Variants in NBPF9 observed in about 807,000 individuals in gnomAD.
NBPF9 encodes NBPF family member NBPF9.
In NBPF9, 91 loss-of-function variants were observed where a neutral mutation model predicts 97.8. That is an observed-to-expected ratio of 0.93 (90% CI 0.79 to 1.11). The LOEUF is 1.11. Ranked by LOEUF, NBPF9 falls within the 50% of genes least tolerant of loss-of-function variation. The pLI is 0.00. For missense variants in NBPF9, 992 were observed against 939.5 expected (o/e 1.06, Z -0.73); for synonymous variants, 334 against 359.5 (o/e 0.93, Z 0.80).
intron 2 of NBPF9, 66 bp from the exon 3 acceptor site, chr1:149,101,445 C>A (rs1243726976): frequency 6.6e-6 from 1 of 150,430 alleles, no homozygotes; most frequent in Non-Finnish European, 1.5e-5. Flanking sequence ...ATTAAAAGAG[C>A]GAAAAGGCAA....
chr1:149,065,980 C>T (rs2079018148), intron 17 of NBPF9: 2 of 568,976 alleles, frequency 3.5e-6, no homozygotes, highest in Non-Finnish European at 6.2e-6. Context: ...GCACAGAGAA[C>T]TGACACAGGG....
exon 1 of NBPF9, chr1:149,103,366 C>T (rs587714506): frequency 6.6e-6 from 1 of 152,024 alleles, no homozygotes; most frequent in Non-Finnish European, 1.5e-5. Context: ...GCCGCGCCGC[C>T]GCGCCTCGGC....
chr1:149,073,142 C>T (rs1422222717), intron 13 of NBPF9, among the ~76,000 whole-genome samples: 2 of 148,696 alleles, frequency 1.3e-5, no homozygotes, highest in East Asian at 2.0e-4. Context: ...GCAAGATCCT[C>T]GATGATGTTC....
chr1:149,098,090 G>A (rs1441776741), intron 4 of NBPF9, among the ~76,000 whole-genome samples: 2 of 151,500 alleles, frequency 1.3e-5, no homozygotes, highest in African/African-American at 2.4e-5. Flanking sequence ...GGTGAAAGGG[G>A]ACGGCAGGGT....
intron 5 of NBPF9, among the ~76,000 whole-genome samples, chr1:149,082,642 C>T (rs1379680543): frequency 1.4e-5 from 2 of 141,544 alleles, no homozygotes; most frequent in African/African-American, 2.7e-5. Flanking sequence ...TACATCTAAG[C>T]ATATTCCTCA....
chr1:149,079,130 T>C (rs1362627436), exon 9 of NBPF9: 5 of 1,297,710 alleles, frequency 3.9e-6, no homozygotes, highest in Non-Finnish European at 5.6e-6. Context: ...AGATGCTCAT[T>C]CAATGAGCGG....
intron 3 of NBPF9, among the ~76,000 whole-genome samples, chr1:149,101,020 T>A (rs1209905860): frequency 6.6e-6 from 1 of 150,912 alleles, no homozygotes; most frequent in African/African-American, 2.4e-5. Flanking sequence ...AGGTTAGGCA[T>A]TGATTTCTTA....
At chr1:149,095,874 T>A (rs1249055349) in intron 4 of NBPF9, among the ~76,000 whole-genome samples, 1 of 151,658 alleles carries the variant, frequency 6.6e-6, no homozygotes, top group Non-Finnish European at 1.5e-5. Flanking sequence ...TACAGTCACT[T>A]TGGAAAACTT....
At position 149,068,504 on chromosome 1, in the gene NBPF9, C is replaced by G. The variant is rs1277257537; in HGVS notation, c.1637+1090G>C. ...AGTCTCTGATAAAACAGACTTTAAA[C>G]CAACAAAGATCAAAAGAGACAAAGA... On this transcript the variant is annotated intron_variant, in intron 17 of 29. Coordinates refer to ENST00000584027, the Ensembl canonical transcript of NBPF9. Among the ~76,000 whole-genome samples the G allele has an allele frequency of 3.8e-3, 565 of 150,224 alleles. 4 individuals carry two copies. Among genetic ancestry groups the G allele is most frequent in the Non-Finnish European group, 6.3e-3 (428 of 67,884 alleles).
At chr1:149,079,762 T>A (rs1404969065) in intron 8 of NBPF9, among the ~76,000 whole-genome samples, 1 of 151,822 alleles carries the variant, frequency 6.6e-6, no homozygotes, top group Admixed American at 6.6e-5. Context: ...ATTTTGAGTA[T>A]ACTGAATGCT....
At chr1:149,055,818 C>A in exon 30 of NBPF9, 2 of 1,608,514 alleles carry the variant, frequency 1.2e-6, no homozygotes, top group Middle Eastern at 2.3e-4. Context: ...GTTCAAAGTA[C>A]ATTGACGGAG....
chr1:149,065,268 C>T, intron 18 of NBPF9: 2 of 706,900 alleles, frequency 2.8e-6, no homozygotes, highest in Non-Finnish European at 5.2e-6. Flanking sequence ...CCACACCTGC[C>T]TTGAGTTCAA....
At chr1:149,067,257 T>C (rs2079087329) in intron 17 of NBPF9, among the ~76,000 whole-genome samples, 1 of 125,452 alleles carries the variant, frequency 8.0e-6, no homozygotes, top group Non-Finnish European at 1.7e-5. Context: ...ACATTCTTTT[T>C]TTTTTCCATA....
intron 17 of NBPF9, among the ~76,000 whole-genome samples, chr1:149,067,852 T>G (rs1460244278): frequency 6.9e-6 from 1 of 145,550 alleles, no homozygotes; most frequent in African/African-American, 2.6e-5. Flanking sequence ...GGTCAAATGG[T>G]ATTTCTAGTT....
intron 29 of NBPF9, among the ~76,000 whole-genome samples, chr1:149,056,143 A>G (rs77409017): frequency 6.6e-6 from 1 of 151,880 alleles, no homozygotes; most frequent in African/African-American, 2.4e-5. Context: ...GAGCTAGTGA[A>G]TTGGCCAGGT....
At chr1:149,087,183 T>C (rs1419163291) in intron 5 of NBPF9, among the ~76,000 whole-genome samples, 2 of 152,032 alleles carry the variant, frequency 1.3e-5, no homozygotes, top group Admixed American at 6.6e-5. Flanking sequence ...TTCTGAAGTA[T>C]CTAAGTCTTT....
intron 5 of NBPF9, among the ~76,000 whole-genome samples, chr1:149,084,611 C>A (rs1553657924): frequency 6.6e-6 from 1 of 150,938 alleles, no homozygotes; most frequent in African/African-American, 2.4e-5. Flanking sequence ...CAGGTGGACA[C>A]CTCCATCTAC....
At chr1:149,071,064 G>T in exon 16 of NBPF9, 1 of 1,610,810 alleles carries the variant, frequency 6.2e-7, no homozygotes, top group Non-Finnish European at 8.5e-7. Context: ...AAGGGCCATG[G>T]CTATTTGAAT....
At chr1:149,093,267 A>AGAT (rs1439405517) in intron 4 of NBPF9, among the ~76,000 whole-genome samples, 1 of 151,644 alleles carries the variant, frequency 6.6e-6, no homozygotes, top group African/African-American at 2.4e-5. Context: ...CTCCAGTCCT[A>AGAT]AGGCGGTTTT....
Sources: gnomAD v4.1 joint callset for allele counts (sites outside exome capture counted in the v4.1 genomes callset) on GRCh38, gnomAD v4.1.1 for gene constraint, MANE v1.5 for transcripts, NCBI Gene and HGNC (gene_info 2026-07-23, HGNC 2026-07-21) for gene names.